RERE: variants seen among roughly 807,000 people sequenced by gnomAD.
RERE encodes arginine-glutamic acid dipeptide repeats, also known as arginine-glutamic acid dipeptide repeats protein.
A neutral mutation model predicts 146.1 loss-of-function variants in RERE; 40 were observed. That is an observed-to-expected ratio of 0.27 (90% CI 0.21 to 0.36). The LOEUF (loss-of-function observed/expected upper bound fraction) is 0.36. Ranked by LOEUF, RERE falls within the 10% of genes least tolerant of loss-of-function variation. RERE has a pLI of 1.00. For synonymous variants in RERE, 1,003 were observed against 866.0 expected (o/e 1.16, Z -2.78); for missense variants, 1,933 against 2,138.7 (o/e 0.90, Z 1.90).
At chr1:8,752,327 TA>T (rs1271219053) in intron 1 of RERE, among the ~76,000 whole-genome samples, 1 of 152,126 alleles carries the variant, frequency 6.6e-6, no homozygotes, top group Non-Finnish European at 1.5e-5. Context: ...ATTCTTGTAC[TA>T]AAGCATAGCT....
intron 7 of RERE, among the ~76,000 whole-genome samples, chr1:8,536,468 G>C (rs1167035095): frequency 6.6e-6 from 1 of 152,136 alleles, no homozygotes; most frequent in African/African-American, 2.4e-5. Flanking sequence ...ACGTCCCTAT[G>C]GTCATCTCTT....
At chr1:8,677,373 C>A (rs955188559) in intron 1 of RERE, among the ~76,000 whole-genome samples, 2 of 146,854 alleles carry the variant, frequency 1.4e-5, no homozygotes, top group Non-Finnish European at 3.0e-5. Context: ...TTGCAGTGAG[C>A]CGAGATCACG....
At chr1:8,565,189 T>C (rs1646138737) in intron 4 of RERE, among the ~76,000 whole-genome samples, 1 of 152,072 alleles carries the variant, frequency 6.6e-6, no homozygotes, top group Non-Finnish European at 1.5e-5. Context: ...CAGTGTATTG[T>C]ACATTTCAAA....
At chr1:8,670,336 G>A (rs1010370700) in intron 1 of RERE, among the ~76,000 whole-genome samples, 12 of 152,186 alleles carry the variant, frequency 7.9e-5, no homozygotes, top group African/African-American at 2.2e-4. Flanking sequence ...ATCTCCAGAG[G>A]AGATTCTGTC....
chr1:8,736,851 G>GAAAAAAAA (rs34872965), intron 1 of RERE, among the ~76,000 whole-genome samples: 2 of 99,806 alleles, frequency 2.0e-5, no homozygotes, highest in Non-Finnish European at 4.0e-5. Context: ...AAGCAAGGGG[G>GAAAAAAAA]AAAAAAAAAA....
intron 2 of RERE, among the ~76,000 whole-genome samples, chr1:8,646,427 G>A (rs1647310738): frequency 6.6e-6 from 1 of 152,010 alleles, no homozygotes; most frequent in Non-Finnish European, 1.5e-5. Context: ...AGCTACTTGA[G>A]AGGCTGAGGC....
intron 1 of RERE, among the ~76,000 whole-genome samples, chr1:8,777,416 T>C (rs1442761119): frequency 6.6e-6 from 1 of 152,152 alleles, no homozygotes; most frequent in Admixed American, 6.6e-5. Flanking sequence ...TTATAACTTT[T>C]TGAAGAAAAA....
Position 8,481,950 on chromosome 1 carries a change from A to G in RERE, c.1104+13113T>C, listed in dbSNP as rs559935211. ...TGGTCAGACCTGAGGAGTGTTGCTT[A>G]GTGCAGGTGCCACATTTTAAATGAC... On this transcript the variant is annotated intron_variant, in intron 10 of 22. Coordinates refer to ENST00000400908, the MANE Select transcript of RERE (RefSeq NM_001042681.2). Among the ~76,000 whole-genome samples the G allele has an allele frequency of 2.0e-5, 3 of 152,330 alleles. No homozygotes were observed. The South Asian group carries it at 6.2e-4, about 32-fold the overall frequency.
At position 8,503,481 on chromosome 1, in the gene RERE, C is replaced by T. The variant is rs549332109; in HGVS notation, c.879+5146G>A. ...CAAATGACTGGAATCAACTCATATG[C>T]CTATTAATAGGGATCAGATGAATAA... On this transcript the variant is annotated intron_variant, in intron 8 of 22. Transcript: ENST00000400908. 3.9e-5 allele frequency among the ~76,000 whole-genome samples: 6 copies of T among 152,096 alleles called. No individual in the cohort carries two copies. In the East Asian group the frequency reaches 1.2e-3, roughly 29 times the overall value.
Position 8,705,077 on chromosome 1 carries a change from T to C in RERE, c.-144-48636A>G, listed in dbSNP as rs567719125. ...ACACTTCCAATTTTCTAACCAGCTA[T>C]ATCCAGACACATGGCACAGGCTGAA... On this transcript the variant is annotated intron_variant, in intron 1 of 22. Transcript: ENST00000400908. Among the ~76,000 whole-genome samples, 13 of 152,358 alleles carry C rather than the reference T, an allele frequency of 8.5e-5. No individual in the cohort carries two copies. The East Asian group carries it at 2.3e-3, about 27-fold the overall frequency.
chr1:8,576,650 A>G (rs1407098194), intron 4 of RERE, among the ~76,000 whole-genome samples: 1 of 152,246 alleles, frequency 6.6e-6, no homozygotes, highest in East Asian at 1.9e-4. Context: ...ATAAAACCAT[A>G]ATAAAAAAAT....
intron 1 of RERE, among the ~76,000 whole-genome samples, chr1:8,687,616 G>C (rs1054221761): frequency 6.6e-6 from 1 of 152,118 alleles, no homozygotes; most frequent in African/African-American, 2.4e-5. Flanking sequence ...TAACATATTT[G>C]AATATACAAT....
chr1:8,352,489 G>T lies in RERE; in HGVS notation c.*2598C>A, dbSNP rs1049922555. 8 of 152,446 alleles carry T rather than the reference G, an allele frequency of 5.2e-5. No individual in the cohort carries two copies. The highest frequency in any genetic ancestry group is 1.3e-4 in the Admixed American group (2 of 15,280). 9.4% of individuals were successfully genotyped at this position (152,446 alleles called of 1,614,324 possible). ...CAAATGGAGAGAACACAGAAGTCAC[G>T]ATTTCTGGGTGTCTACTGTTTACAC... On this transcript the variant is annotated 3_prime_UTR_variant, in exon 23 of 23. Coordinates refer to ENST00000400908, the MANE Select transcript of RERE (RefSeq NM_001042681.2).
intron 4 of RERE, among the ~76,000 whole-genome samples, chr1:8,581,791 C>T (rs991010434): frequency 1.3e-5 from 2 of 152,138 alleles, no homozygotes; most frequent in Non-Finnish European, 2.9e-5. Flanking sequence ...GGATCACTGG[C>T]ATTTTAATCT....
At chr1:8,745,362 A>G (rs1640399425) in intron 1 of RERE, among the ~76,000 whole-genome samples, 1 of 152,182 alleles carries the variant, frequency 6.6e-6, no homozygotes, top group Non-Finnish European at 1.5e-5. Flanking sequence ...TCTTTTCTTT[A>G]TAAATTAAAC....
intron 4 of RERE, among the ~76,000 whole-genome samples, chr1:8,602,266 C>T (rs1646640922): frequency 6.6e-6 from 1 of 151,948 alleles, no homozygotes; most frequent in African/African-American, 2.4e-5. Flanking sequence ...TGGCGGGCGC[C>T]TGTAGTCCCA....
At chr1:8,726,321 T>G (rs1368488830) in intron 1 of RERE, among the ~76,000 whole-genome samples, 1 of 151,846 alleles carries the variant, frequency 6.6e-6, no homozygotes, top group Non-Finnish European at 1.5e-5. Context: ...TCGGTTAATT[T>G]TTATATTTTT....
chr1:8,362,177 T>C (rs1364740520), intron 16 of RERE, among the ~76,000 whole-genome samples: 1 of 152,234 alleles, frequency 6.6e-6, no homozygotes, highest in East Asian at 1.9e-4. Context: ...TGTTTTCTTG[T>C]CATTATCTCC....
At chr1:8,559,291 A>AAAAAAAAAAAAAAAC (rs1646046861) in intron 4 of RERE, among the ~76,000 whole-genome samples, 1 of 143,804 alleles carries the variant, frequency 7.0e-6, no homozygotes, top group Non-Finnish European at 1.5e-5. Flanking sequence ...AAAAAAAAAA[A>AAAAAAAAAAAAAAAC]AAAAAAAAAA....
Sources: allele counts gnomAD v4.1 joint callset (sites outside exome capture counted in the v4.1 genomes callset), GRCh38; gene constraint gnomAD v4.1.1; transcripts MANE v1.5; gene names NCBI Gene and HGNC (gene_info 2026-07-23, HGNC 2026-07-21).